CLEC17A: variants seen among roughly 807,000 people sequenced by gnomAD.
CLEC17A encodes C-type lectin domain family 17, member A.
In CLEC17A, 37 loss-of-function variants were observed where a neutral mutation model predicts 61.3. That is an observed-to-expected ratio of 0.60 (90% CI 0.46 to 0.79). The LOEUF (loss-of-function observed/expected upper bound fraction) is 0.79. CLEC17A is among the 30% of genes least tolerant of loss of function. The pLI is 0.00. For missense variants in CLEC17A, 418 were observed against 464.7 expected (o/e 0.90, Z 0.92); for synonymous variants, 168 against 164.9 (o/e 1.02, Z -0.14).
chr19:14,593,788 G>A (rs1218728465), intron 4 of CLEC17A, among the ~76,000 whole-genome samples: 1 of 151,480 alleles, frequency 6.6e-6, no homozygotes, highest in African/African-American at 2.4e-5. Context: ...GTGAAACCCC[G>A]TCTCTATTAA....
At chr19:14,599,262 A>C (rs1426521264) in intron 10 of CLEC17A, among the ~76,000 whole-genome samples, 1 of 151,304 alleles carries the variant, frequency 6.6e-6, no homozygotes, top group Non-Finnish European at 1.5e-5. Flanking sequence ...TAATTTTTGT[A>C]TTTTTAGTAG....
intron 8 of CLEC17A, among the ~76,000 whole-genome samples, chr19:14,595,941 TA>T (rs2074536389): frequency 4.9e-5 from 1 of 20,588 alleles, no homozygotes; most frequent in East Asian, 2.1e-3. Flanking sequence ...GTGATGATAG[TA>T]GAGGCAGTGA....
At chr19:14,596,145 G>C (rs1051011946) in intron 8 of CLEC17A, among the ~76,000 whole-genome samples, 1 of 151,802 alleles carries the variant, frequency 6.6e-6, no homozygotes, top group Non-Finnish European at 1.5e-5. Flanking sequence ...AGAAGCCGGG[G>C]TCCACAAGCT....
At chr19:14,581,639 G>T (rs1162202537), upstream of CLEC17A, among the ~76,000 whole-genome samples, 4 of 151,228 alleles carry the variant, frequency 2.6e-5, no homozygotes, top group African/African-American at 9.7e-5. Flanking sequence ...GCCAGAAATG[G>T]ATTATATGGA....
chr19:14,601,560 C>A (rs989469854), intron 12 of CLEC17A, among the ~76,000 whole-genome samples: 1 of 152,044 alleles, frequency 6.6e-6, no homozygotes, highest in Non-Finnish European at 1.5e-5. Context: ...GCCTAGGTAG[C>A]CGGCTTTCAA....
chr19:14,595,391 T>G (rs2146699108), intron 8 of CLEC17A, 76 bp downstream of exon 8: 1 of 1,521,928 alleles, frequency 6.6e-7, no homozygotes, highest in African/African-American at 1.4e-5. Context: ...AGTGAGACCC[T>G]GAGTCAGAGG....
intron 3 of CLEC17A, among the ~76,000 whole-genome samples, chr19:14,588,850 G>T (rs947585313): frequency 1.6e-4 from 24 of 152,100 alleles, no homozygotes; most frequent in African/African-American, 5.8e-4. Flanking sequence ...CCATCTCTGA[G>T]TCCAGAGTGG....
intron 3 of CLEC17A, chr19:14,588,680 G>T (rs896301129): frequency 1.3e-5 from 2 of 151,972 alleles, no homozygotes; most frequent in African/African-American, 4.8e-5. Flanking sequence ...AAATGAAACC[G>T]GAGGTTTTTG....
At position 14,610,389 on chromosome 19, in the gene CLEC17A, C is replaced by T; in HGVS notation, c.*193C>T. 1.4e-6 allele frequency: 1 copy of T among 693,074 alleles called. No individual in the cohort carries two copies. Among genetic ancestry groups the T allele is most frequent in the South Asian group, 1.9e-5 (1 of 52,258 alleles). 42.9% of individuals were successfully genotyped at this position (693,074 alleles called of 1,614,324 possible). A position where few individuals can be genotyped will look rare whatever the true frequency, so the allele number is the denominator to read the frequency against. On this transcript the variant is annotated 3_prime_UTR_variant, in exon 14 of 14. Transcript: ENST00000417570. Reference sequence around the variant, plus strand: ...TTCTAGAGTGAGGACTTGGGCTTGCCCTAGTAGATGGTGAGCTGGGAGGAT... The same window carrying T: ...TTCTAGAGTGAGGACTTGGGCTTGCTCTAGTAGATGGTGAGCTGGGAGGAT...
In CLEC17A at chr19:14,593,893, C is replaced by A. The variant is rs190598738; in HGVS notation, c.278-624C>A. Among the ~76,000 whole-genome samples, 150 of 152,068 alleles carry A rather than the reference C, an allele frequency of 9.9e-4. 1 individual carries two copies. The highest frequency in any genetic ancestry group is 3.6e-3 in the African/African-American group (149 of 41,456). On this transcript the variant is annotated intron_variant, in intron 4 of 13. Transcript: ENST00000417570. ...AGGAGAATGGCGTGAACCTGGGAGG[C>A]GGAGGTTGCAGTGAGCCAAGATCGC...
rs1355706665 is a variant in CLEC17A at position 14,610,621 on chromosome 19, G to A, written c.*425G>A. 4 of 176,936 alleles carry A rather than the reference G, an allele frequency of 2.3e-5. No individual in the cohort carries two copies. Among genetic ancestry groups the A allele is most frequent in the East Asian group, 1.6e-4 (1 of 6,294 alleles). The allele number at this position is 176,936 out of a possible 1,614,324, so 11.0% of individuals were successfully genotyped here. ...TGCAGCCTCAAACTTCTGGGCTCAG[G>A]TGATCCTCCCATCTCAGCCTCCTGA... On this transcript the variant is annotated 3_prime_UTR_variant, in exon 14 of 14. Coordinates refer to ENST00000417570, the MANE Select transcript of CLEC17A (RefSeq NM_001204118.2).
intron 3 of CLEC17A, among the ~76,000 whole-genome samples, chr19:14,591,964 A>C (rs1413131874): frequency 6.7e-6 from 1 of 149,864 alleles, no homozygotes; most frequent in Non-Finnish European, 1.5e-5. Context: ...CTTCCCCCCA[A>C]GATGGATTTG....
intron 2 of CLEC17A, among the ~76,000 whole-genome samples, chr19:14,584,931 C>T (rs1388526655): frequency 6.6e-6 from 1 of 152,038 alleles, no homozygotes; most frequent in Non-Finnish European, 1.5e-5. Flanking sequence ...ATGACCTTAC[C>T]CACATCCATC....
In CLEC17A at chr19:14,598,323, TCTCA is replaced by T. The variant is rs1221538868; in HGVS notation, c.646+1165_646+1168del. Among the ~76,000 whole-genome samples, 34 of 147,944 alleles carry T rather than the reference TCTCA, an allele frequency of 2.3e-4. No homozygotes were observed. The East Asian group carries it at 3.7e-3, about 16-fold the overall frequency. ...CTTTCTTTCTCTCTCTCTCTCTCTC[TCTCA>T]CTATCTCTTTCTTTCTTTCTTTCTT... On this transcript the variant is annotated intron_variant, in intron 10 of 13. Transcript: ENST00000417570.
At chr19:14,593,479 T>C (rs1199684600) in intron 4 of CLEC17A, among the ~76,000 whole-genome samples, 1 of 151,820 alleles carries the variant, frequency 6.6e-6, no homozygotes, top group Non-Finnish European at 1.5e-5. Flanking sequence ...AACCCCCAGC[T>C]ATATGAAAAC....
At chr19:14,593,306 A>T (rs1336254568) in intron 4 of CLEC17A, among the ~76,000 whole-genome samples, 2 of 146,302 alleles carry the variant, frequency 1.4e-5, no homozygotes, top group Non-Finnish European at 3.0e-5. Context: ...CAGCTTGGGC[A>T]ATATATAGCA....
chr19:14,583,087 C>A lies in CLEC17A; in HGVS notation c.-74C>A. 6.5e-7 allele frequency: 1 copy of A among 1,541,252 alleles called. No homozygotes were observed. Among genetic ancestry groups the A allele is most frequent in the Non-Finnish European group, 8.9e-7 (1 of 1,119,104 alleles). On this transcript the variant is annotated 5_prime_UTR_variant, in exon 1 of 14. Coordinates refer to ENST00000417570, the MANE Select transcript of CLEC17A (RefSeq NM_001204118.2). ...AAAGGGAACTGAGAGAGCCCCCAGA[C>A]GCCTGAGTCGGAGAGACAGGGGGCA... is the stretch of plus-strand genomic sequence containing the variant.
chr19:14,584,036 GC>G (rs1314325778), intron 2 of CLEC17A: 1 of 148,434 alleles, frequency 6.7e-6, no homozygotes, highest in Non-Finnish European at 1.5e-5. Flanking sequence ...TTTGAGACCA[GC>G]CAGGGCAACA....
upstream of CLEC17A, among the ~76,000 whole-genome samples, chr19:14,582,171 CAA>C (rs2074189407): frequency 6.6e-6 from 1 of 151,892 alleles, no homozygotes; most frequent in Non-Finnish European, 1.5e-5. Context: ...TTTTTTGTGT[CAA>C]ATCTCCTTCT....
Sources: gnomAD v4.1 joint callset for allele counts (sites outside exome capture counted in the v4.1 genomes callset) on GRCh38, gnomAD v4.1.1 for gene constraint, MANE v1.5 for transcripts, NCBI Gene and HGNC (gene_info 2026-07-23, HGNC 2026-07-21) for gene names.